SLIT1: variants seen among roughly 807,000 people sequenced by gnomAD.
The protein encoded by SLIT1 is slit guidance ligand 1.
SLIT1 carries 66 observed loss-of-function variants against 186.1 expected under a neutral mutation model. That is an observed-to-expected ratio of 0.35 (90% CI 0.29 to 0.44). The LOEUF is 0.44. Among genes scored for constraint, SLIT1 ranks in the 20% least tolerant of loss-of-function variants. SLIT1 has a pLI of 1.00. For synonymous variants in SLIT1, 761 were observed against 833.8 expected (o/e 0.91, Z 1.50); for missense variants, 1,638 against 2,037.4 (o/e 0.80, Z 3.77).
chr10:97,121,415 T>C (rs1171760907), intron 4 of SLIT1, among the ~76,000 whole-genome samples: 1 of 152,138 alleles, frequency 6.6e-6, no homozygotes, highest in Admixed American at 6.5e-5. Context: ...AGCTTTCCCT[T>C]CTTAAACACA....
At chr10:97,141,492 C>T (rs931656422) in intron 4 of SLIT1, among the ~76,000 whole-genome samples, 16 of 152,166 alleles carry the variant, frequency 1.1e-4, no homozygotes, top group African/African-American at 2.7e-4. Context: ...CACAAGCACA[C>T]GCGATAAAAC....
rs1848703965 is a variant in SLIT1 at position 97,043,116 on chromosome 10, A to T, written c.1998-49T>A. On this transcript the variant is annotated intron_variant, in intron 19 of 36. Coordinates refer to ENST00000266058, the MANE Select transcript of SLIT1 (RefSeq NM_003061.3). This position sits in a 1 kb window ranked among gnomAD's most constrained non-coding sequence, Gnocchi z 7.0. Reference sequence around the variant, plus strand: ...CATGGAGACACTCTGCCCCTCTCAGAGGTCCCAGCAAACCCCTCCTGTACC... The same window carrying T: ...CATGGAGACACTCTGCCCCTCTCAGTGGTCCCAGCAAACCCCTCCTGTACC... 1 of 1,585,790 alleles carries T rather than the reference A, an allele frequency of 6.3e-7. No individual in the cohort carries two copies.
Position 97,030,819 on chromosome 10 carries a change from G to T in SLIT1, c.2520C>A (p.His840Gln). 1.2e-6 allele frequency: 2 copies of T among 1,613,878 alleles called. No homozygotes were observed. Among genetic ancestry groups the T allele is most frequent in the Non-Finnish European group, 1.7e-6 (2 of 1,179,884 alleles). Residue 840 changes from histidine (H) to glutamine (Q), a missense_variant, in exon 25 of 37, where the codon CAC (histidine) becomes CAA (glutamine). Physicochemically the swap from His to Gln is conservative, Grantham distance 24. Around this residue, in one of 3 missense-constraint regions of SLIT1, gnomAD observed 1,245 missense variants for 1,535.3 expected, o/e 0.81. Transcript: ENST00000266058. ...CTTGGAGGGTGGAGATGTCATTGCCGTGGAGAGACCTGAGAAGGGAAGAGG... is the reference window on the plus strand; with the variant it reads ...CTTGGAGGGTGGAGATGTCATTGCCTTGGAGAGACCTGAGAAGGGAAGAGG... Reference protein sequence around the residue: ...GLRSLRLLSLHGNDISTLQEG... With the variant: ...GLRSLRLLSLQGNDISTLQEG...
Position 97,066,074 on chromosome 10 carries a change from C to A in SLIT1, c.426G>T (p.Glu142Asp). ...TCCTGGGGATGGCCTGGATGGCGTTCTCACTCAAGTCCCTGGGAGGATAAA... is the reference window on the plus strand; with the variant it reads ...TCCTGGGGATGGCCTGGATGGCGTTATCACTCAAGTCCCTGGGAGGATAAA... ...NQALSRLDLS[E>D]NAIQAIPRKA... The change falls in exon 5 of 37, where the codon GAG (glutamate) becomes GAT (aspartate). Residue 142 changes from glutamate (E) to aspartate (D), a missense_variant. By Grantham distance (45) the Glu-to-Asp change is conservative. Transcript: ENST00000266058. The A allele has an allele frequency of 6.2e-7, 1 of 1,603,840 alleles. No homozygotes were observed.
At chr10:97,100,321 T>C (rs1410512420) in intron 4 of SLIT1, among the ~76,000 whole-genome samples, 1 of 152,156 alleles carries the variant, frequency 6.6e-6, no homozygotes, top group Non-Finnish European at 1.5e-5. Flanking sequence ...GCATTGATTG[T>C]ACAGCAATAA....
Position 97,164,896 on chromosome 10 carries a change from GGAA to G in SLIT1, c.198-9_198-7del. ...TGTTGTTGCCATTGAGTTCCCTGGA[GGAA>G]GAAGGAGAGAAGGAAGCAGTGGGGT... On this transcript the variant is annotated splice_polypyrimidine_tract_variant and splice_region_variant and intron_variant, in intron 1 of 36. Coordinates refer to ENST00000266058, the MANE Select transcript of SLIT1 (RefSeq NM_003061.3). The G allele has an allele frequency of 1.2e-6, 2 of 1,611,618 alleles. No homozygotes were observed. The highest frequency in any genetic ancestry group is 8.5e-7 in the Non-Finnish European group (1 of 1,177,862).
Position 97,185,929 on chromosome 10 carries a change from C to T in SLIT1, c.-255G>A, listed in dbSNP as rs1850409748. 4.1e-6 allele frequency: 2 copies of T among 484,566 alleles called. No individual in the cohort carries two copies. The highest frequency in any genetic ancestry group is 3.6e-6 in the Non-Finnish European group (1 of 277,184). 30.0% of individuals were successfully genotyped at this position (484,566 alleles called of 1,614,324 possible). A position where few individuals can be genotyped will look rare whatever the true frequency, so the allele number is the denominator to read the frequency against. ...CGCCGCCTGCGTCTCCCTCTCCCTC[C>T]CTCCAGCTCCCAACTGACTGCTGCG... On this transcript the variant is annotated 5_prime_UTR_variant, in exon 1 of 37. Transcript: ENST00000266058.
At chr10:97,165,202 C>T (rs890892193) in intron 1 of SLIT1, among the ~76,000 whole-genome samples, 7 of 152,272 alleles carry the variant, frequency 4.6e-5, no homozygotes, top group Middle Eastern at 3.4e-3. Context: ...GGGAAGAATC[C>T]GGAAACTAGT....
chr10:97,095,624 T>G (rs7084418), intron 4 of SLIT1, among the ~76,000 whole-genome samples: 25,918 of 152,118 alleles, frequency 0.17, 2,669 homozygotes, highest in African/African-American at 0.28. Flanking sequence ...CTATTCCCCC[T>G]GGTTAGAAAA....
At chr10:97,129,773 T>C (rs1849636299) in intron 4 of SLIT1, among the ~76,000 whole-genome samples, 1 of 152,150 alleles carries the variant, frequency 6.6e-6, no homozygotes, top group Non-Finnish European at 1.5e-5. Context: ...CACCTCACCA[T>C]CGGGTACCGG....
intron 4 of SLIT1, among the ~76,000 whole-genome samples, chr10:97,151,449 A>G (rs73324815): frequency 0.061 from 8,856 of 145,010 alleles, 617 homozygotes; most frequent in African/African-American, 0.18. Context: ...GGATGGGAGG[A>G]GATGGGGGAT....
chr10:97,011,098 T>C lies in SLIT1; in HGVS notation c.3236A>G (p.Asn1079Ser). The change falls in exon 31 of 37, where the codon AAC becomes AGC. Residue 1079 changes from asparagine (N) to serine (S), a missense_variant. Asn to Ser is a conservative substitution (Grantham distance 46, BLOSUM62 1). Transcript: ENST00000266058. Reference protein sequence around the residue: ...CECMPGYAGDNCSENQDDCRD... With the variant: ...CECMPGYAGDSCSENQDDCRD... Reference sequence around the variant, plus strand: ...GCAGTCATCCTGGTTCTCACTGCAGTTGTCACCTGCATAACCTGGCATGCA... The same window carrying C: ...GCAGTCATCCTGGTTCTCACTGCAGCTGTCACCTGCATAACCTGGCATGCA... The C allele has an allele frequency of 6.2e-7, 1 of 1,613,040 alleles. No homozygotes were observed. Among genetic ancestry groups the C allele is most frequent in the African/African-American group, 1.3e-5 (1 of 74,976 alleles).
chr10:97,037,742 C>A lies in SLIT1; in HGVS notation c.2322G>T (p.Thr774=), dbSNP rs1348413914. ...AGGTAGACAGCTGTCCCGGAACCAG[C>A]GTGAACTGGTTCCCGTCCAAATAGC... The part of the protein sequence containing the change: ...TELYLDGNQF[T]LVPGQLSTFK... Residue 774 remains threonine, a synonymous_variant, in exon 22 of 37, where the codon ACG becomes ACT. Coordinates refer to ENST00000266058, the MANE Select transcript of SLIT1 (RefSeq NM_003061.3). 1.2e-6 allele frequency: 2 copies of A among 1,608,608 alleles called. No individual in the cohort carries two copies. The highest frequency in any genetic ancestry group is 8.5e-7 in the Non-Finnish European group (1 of 1,175,558).
chr10:97,175,650 G>T (rs1273627068), intron 1 of SLIT1, among the ~76,000 whole-genome samples: 1 of 152,106 alleles, frequency 6.6e-6, no homozygotes, highest in African/African-American at 2.4e-5. Context: ...GTGCACCCCA[G>T]TCCCTTCACT....
chr10:97,010,731 C>G lies in SLIT1; in HGVS notation c.3341+262G>C, dbSNP rs964396994. Among the ~76,000 whole-genome samples, 1 of 152,138 alleles carries G rather than the reference C, an allele frequency of 6.6e-6. No homozygotes were observed. The highest frequency in any genetic ancestry group is 2.4e-5 in the African/African-American group (1 of 41,416). Reference sequence around the variant, plus strand: ...GAGGCTCAGGTAGGCAGGTAAGTGACAGCACACTGCCCTGTCATCTGCACC... The same window carrying G: ...GAGGCTCAGGTAGGCAGGTAAGTGAGAGCACACTGCCCTGTCATCTGCACC... On this transcript the variant is annotated intron_variant, in intron 31 of 36. Coordinates refer to ENST00000266058, the MANE Select transcript of SLIT1 (RefSeq NM_003061.3). This position sits in a 1 kb window ranked among gnomAD's most constrained non-coding sequence, Gnocchi z 4.8.
At chr10:97,015,501 G>A (rs907020485) in intron 28 of SLIT1, among the ~76,000 whole-genome samples, 2 of 152,176 alleles carry the variant, frequency 1.3e-5, no homozygotes, top group African/African-American at 2.4e-5. Flanking sequence ...AATCTCACCA[G>A]TTTATTTACA....
Position 97,185,712 on chromosome 10 carries a change from A to G in SLIT1, c.-38T>C, listed in dbSNP as rs1026667376. 6 of 1,450,214 alleles carry G rather than the reference A, an allele frequency of 4.1e-6. No homozygotes were observed. The highest frequency in any genetic ancestry group is 3.6e-6 in the Non-Finnish European group (4 of 1,108,072). 89.8% of individuals were successfully genotyped at this position (1,450,214 alleles called of 1,614,324 possible). A position where few individuals can be genotyped will look rare whatever the true frequency, so the allele number is the denominator to read the frequency against. On this transcript the variant is annotated 5_prime_UTR_variant, in exon 1 of 37. Coordinates refer to ENST00000266058, the MANE Select transcript of SLIT1 (RefSeq NM_003061.3). Reference sequence around the variant, plus strand: ...GCGTCCCGCTCGCGAGCCAGACGGCAGCAGCCGCTGACCATCCCCGTCCGG... The same window carrying G: ...GCGTCCCGCTCGCGAGCCAGACGGCGGCAGCCGCTGACCATCCCCGTCCGG...
At chr10:97,168,443 T>G (rs948248628) in intron 1 of SLIT1, among the ~76,000 whole-genome samples, 3 of 152,212 alleles carry the variant, frequency 2.0e-5, no homozygotes, top group African/African-American at 7.2e-5. Context: ...CAACAAATGT[T>G]TACAGAAGAC....
chr10:97,171,237 C>A (rs188914967), intron 1 of SLIT1, among the ~76,000 whole-genome samples: 5 of 152,206 alleles, frequency 3.3e-5, no homozygotes, highest in African/African-American at 9.6e-5. Flanking sequence ...CCAGCCACTG[C>A]GCAGACAGCA....
Sources: allele counts gnomAD v4.1 joint callset (sites outside exome capture counted in the v4.1 genomes callset), GRCh38; gene constraint gnomAD v4.1.1; regional missense constraint gnomAD v4.1.1; non-coding constraint Gnocchi (gnomAD v3.1); transcripts MANE v1.5; gene names NCBI Gene and HGNC (gene_info 2026-07-23, HGNC 2026-07-21).